The following GAB2 variants were observed in gnomAD, a reference collection of about 807,000 sequenced individuals.
The protein encoded by GAB2 is GRB2 associated binding protein 2.
GAB2 carries 26 observed loss-of-function variants against 65.5 expected under a neutral mutation model. The observed-to-expected ratio is 0.40, with a 90% CI of 0.29 to 0.55. The LOEUF is 0.55. Among genes scored for constraint, GAB2 ranks in the 20% least tolerant of loss-of-function variants. The probability of loss-of-function intolerance (pLI) is 0.53; values close to 1 mark genes in which losing one functional copy is unlikely to be tolerated. For synonymous variants in GAB2, 321 were observed against 329.6 expected (o/e 0.97, Z 0.28); for missense variants, 884 against 875.8 (o/e 1.01, Z -0.12).
chr11:78,375,321 G>GT (rs1239475718), intron 1 of GAB2, among the ~76,000 whole-genome samples: 3 of 152,040 alleles, frequency 2.0e-5, no homozygotes, highest in Non-Finnish European at 2.9e-5. Context: ...TTGAAATGGG[G>GT]TTTTTTTGTT....
rs957742426 is a variant in GAB2, at chr11:78,318,593, G to T, written c.76-37692C>A. 7.9e-5 allele frequency among the ~76,000 whole-genome samples: 12 copies of T among 152,162 alleles called. No homozygotes were observed. The South Asian group carries it at 1.9e-3, about 24-fold the overall frequency. ...AGTGGCAGTAGGGAAGGAGAGGAAAGAAAGATCCCTTTGCCTCAAGCAGCT... is the reference window on the plus strand; with the variant it reads ...AGTGGCAGTAGGGAAGGAGAGGAAATAAAGATCCCTTTGCCTCAAGCAGCT... On this transcript the variant is annotated intron_variant, in intron 1 of 9. Transcript: ENST00000361507.
Position 78,217,383 on chromosome 11 carries a change from G to A in GAB2, c.*1889C>T, listed in dbSNP as rs1433238842. 1 of 152,236 alleles carries A rather than the reference G, an allele frequency of 6.6e-6. No individual in the cohort carries two copies. The highest frequency in any genetic ancestry group is 1.5e-5 in the Non-Finnish European group (1 of 68,082). The allele number at this position is 152,236 out of a possible 1,614,324, so 9.4% of individuals were successfully genotyped here. A position where few individuals can be genotyped will look rare whatever the true frequency, so the allele number is the denominator to read the frequency against. ...AGTTGATCTAAACTAATGCTAGGAG[G>A]AGAGGTGCAGCTCTTGAAGAAATAA... On this transcript the variant is annotated 3_prime_UTR_variant, in exon 10 of 10. Coordinates refer to ENST00000361507, the MANE Select transcript of GAB2 (RefSeq NM_080491.3).
chr11:78,246,884 C>A (rs1198729710), intron 3 of GAB2, among the ~76,000 whole-genome samples: 1 of 152,210 alleles, frequency 6.6e-6, no homozygotes, highest in Non-Finnish European at 1.5e-5. Context: ...TAGTTCAAAT[C>A]TTCTTTCAGT....
intron 1 of GAB2, among the ~76,000 whole-genome samples, chr11:78,299,435 G>A (rs1278319786): frequency 2.0e-5 from 3 of 152,180 alleles, no homozygotes; most frequent in Admixed American, 1.3e-4. Flanking sequence ...TCTCCCAAAG[G>A]TGCCCAAACT....
intron 3 of GAB2, among the ~76,000 whole-genome samples, chr11:78,238,086 A>T (rs1034540438): frequency 6.6e-6 from 1 of 152,142 alleles, no homozygotes; most frequent in African/African-American, 2.4e-5. Context: ...GTTGGGCTTA[A>T]TATCTAGGTG....
chr11:78,377,007 G>C (rs1358778573), intron 1 of GAB2, among the ~76,000 whole-genome samples: 1 of 152,148 alleles, frequency 6.6e-6, no homozygotes, highest in African/African-American at 2.4e-5. Context: ...TCTCAAGCTT[G>C]CCCCTGCTTT....
intron 1 of GAB2, among the ~76,000 whole-genome samples, chr11:78,331,177 A>T (rs1855907583): frequency 6.6e-6 from 1 of 152,058 alleles, no homozygotes; most frequent in South Asian, 2.1e-4. Flanking sequence ...ACCGTCTCAA[A>T]AAATAAATAA....
intron 1 of GAB2, among the ~76,000 whole-genome samples, chr11:78,398,988 T>C (rs1369844388): frequency 6.6e-6 from 1 of 152,166 alleles, no homozygotes; most frequent in African/African-American, 2.4e-5. Context: ...CAGATTCAAA[T>C]GCATGGAATA....
At chr11:78,404,119 G>C (rs1017910062) in intron 1 of GAB2, among the ~76,000 whole-genome samples, 11 of 152,158 alleles carry the variant, frequency 7.2e-5, no homozygotes, top group Non-Finnish European at 1.2e-4. Flanking sequence ...ATATCCAAAA[G>C]AAAGGAAATC....
In GAB2 at chr11:78,218,094, T is replaced by A. The variant is rs1437627334; in HGVS notation, c.*1178A>T. The A allele has an allele frequency of 1.3e-5, 2 of 153,060 alleles. No individual in the cohort carries two copies. Among genetic ancestry groups the A allele is most frequent in the Non-Finnish European group, 2.9e-5 (2 of 68,536 alleles). 9.5% of individuals were successfully genotyped at this position (153,060 alleles called of 1,614,324 possible). A position where few individuals can be genotyped will look rare whatever the true frequency, so the allele number is the denominator to read the frequency against. On this transcript the variant is annotated 3_prime_UTR_variant, in exon 10 of 10. Transcript: ENST00000361507. ...AACTCCCAGGCCCTTTGGATGTATT[T>A]CCCCACTTGCTACATGGCCTTCACC...
At chr11:78,239,271 A>T (rs1181842435) in intron 3 of GAB2, among the ~76,000 whole-genome samples, 3 of 152,072 alleles carry the variant, frequency 2.0e-5, no homozygotes, top group Non-Finnish European at 4.4e-5. Flanking sequence ...CCCAGGCTGG[A>T]GTACAATGGC....
At chr11:78,407,671 A>AAGAAAGAGATGGC (rs1555001690) in intron 1 of GAB2, among the ~76,000 whole-genome samples, 50 of 147,260 alleles carry the variant, frequency 3.4e-4, no homozygotes, top group African/African-American at 1.1e-3. Flanking sequence ...GAAAGAAAGA[A>AAGAAAGAGATGGC]AGAAAGAAAG....
At chr11:78,359,993 T>C (rs1591064584) in intron 1 of GAB2, among the ~76,000 whole-genome samples, 1 of 152,076 alleles carries the variant, frequency 6.6e-6, no homozygotes, top group Non-Finnish European at 1.5e-5. Context: ...TGTAATCATA[T>C]GTATCCATAT....
At chr11:78,396,974 T>C (rs1478299553) in intron 1 of GAB2, among the ~76,000 whole-genome samples, 1 of 152,176 alleles carries the variant, frequency 6.6e-6, no homozygotes, top group Non-Finnish European at 1.5e-5. Flanking sequence ...AAAATATACA[T>C]AGCACATATA....
At chr11:78,255,324 A>G (rs1392474675) in intron 2 of GAB2, among the ~76,000 whole-genome samples, 1 of 152,190 alleles carries the variant, frequency 6.6e-6, no homozygotes, top group Non-Finnish European at 1.5e-5. Flanking sequence ...TAGAACTGTG[A>G]GAGAGTAAAT....
chr11:78,309,971 T>TGTGTGTGTGTGTGTGC (rs1421836447), intron 1 of GAB2, among the ~76,000 whole-genome samples: 2 of 120,194 alleles, frequency 1.7e-5, no homozygotes, highest in East Asian at 2.3e-4. Flanking sequence ...TGTGTGTGTG[T>TGTGTGTGTGTGTGTGC]GCGCGCGCGC....
rs76224579 is a variant in GAB2, at chr11:78,371,943, C to G, written c.75+45703G>C. 5.4e-3 allele frequency among the ~76,000 whole-genome samples: 828 copies of G among 152,244 alleles called. 8 individuals carry two copies. Among genetic ancestry groups the G allele is most frequent in the South Asian group, 0.044 (210 of 4,824 alleles). On this transcript the variant is annotated intron_variant, in intron 1 of 9. Transcript: ENST00000361507. ...ATAGACCCTCTAAAACCTTCATTCC[C>G]ATAAACATAAAATCAAAATCATACT...
chr11:78,413,991 G>C, intron 1 of GAB2, among the ~76,000 whole-genome samples: 1 of 151,786 alleles, frequency 6.6e-6, no homozygotes, highest in East Asian at 1.9e-4. Context: ...GGGAGGCTGA[G>C]GCAGGAGAAT....
chr11:78,295,690 G>A (rs1435047814), intron 1 of GAB2, among the ~76,000 whole-genome samples: 2 of 152,168 alleles, frequency 1.3e-5, no homozygotes, highest in African/African-American at 2.4e-5. Flanking sequence ...GATGCTTGAC[G>A]GAGAGGACTA....
Sources: gnomAD v4.1 joint callset for allele counts (sites outside exome capture counted in the v4.1 genomes callset) on GRCh38, gnomAD v4.1.1 for gene constraint, MANE v1.5 for transcripts, NCBI Gene and HGNC (gene_info 2026-07-23, HGNC 2026-07-21) for gene names.